The following ZBTB44 variants were observed in gnomAD, a reference collection of about 807,000 sequenced individuals.
ZBTB44 encodes zinc finger and BTB domain containing 44.
A neutral mutation model predicts 54.0 loss-of-function variants in ZBTB44; 15 were observed. The observed-to-expected ratio is 0.28, with a 90% CI of 0.19 to 0.43. The LOEUF (loss-of-function observed/expected upper bound fraction) is 0.43. Among genes scored for constraint, ZBTB44 ranks in the 20% least tolerant of loss-of-function variants. The pLI, the probability that ZBTB44 is intolerant of heterozygous loss-of-function variation, is 1.00. For missense variants in ZBTB44, 487 were observed against 707.1 expected (o/e 0.69, Z 3.53); for synonymous variants, 230 against 250.1 (o/e 0.92, Z 0.76).
chr11:130,283,237 G>A (rs1332120085), intron 1 of ZBTB44, among the ~76,000 whole-genome samples: 2 of 151,598 alleles, frequency 1.3e-5, no homozygotes, highest in Admixed American at 6.6e-5. Flanking sequence ...GTAGAGAGGC[G>A]GTTTTGCCAT....
chr11:130,295,569 G>C, intron 1 of ZBTB44: 1 of 700,436 alleles, frequency 1.4e-6, no homozygotes. Flanking sequence ...GGACTCACAG[G>C]AGCATTTGAG....
At chr11:130,295,974 A>AG in intron 1 of ZBTB44, 1 of 1,544,050 alleles carries the variant, frequency 6.5e-7, no homozygotes, top group Admixed American at 1.7e-5. Flanking sequence ...TGGCCACACC[A>AG]GGCCGTCTGC....
intron 2 of ZBTB44, among the ~76,000 whole-genome samples, chr11:130,247,569 G>A (rs1335726178): frequency 6.6e-6 from 1 of 152,130 alleles, no homozygotes; most frequent in Non-Finnish European, 1.5e-5. Flanking sequence ...CTGTGTTAAC[G>A]GCCTACAAGA....
intron 1 of ZBTB44, among the ~76,000 whole-genome samples, chr11:130,269,297 A>ATTAG (rs1939501006): frequency 6.6e-6 from 1 of 151,704 alleles, no homozygotes; most frequent in South Asian, 2.1e-4. Context: ...TAAATAATTA[A>ATTAG]TTAATTAATC....
intron 2 of ZBTB44, among the ~76,000 whole-genome samples, chr11:130,242,664 T>A (rs1954428411): frequency 6.6e-6 from 1 of 152,240 alleles, no homozygotes; most frequent in Admixed American, 6.5e-5. Flanking sequence ...ACTGAGGATA[T>A]CATCCCACTG....
At chr11:130,281,424 G>C (rs1310778764) in intron 1 of ZBTB44, among the ~76,000 whole-genome samples, 3 of 151,996 alleles carry the variant, frequency 2.0e-5, no homozygotes, top group Admixed American at 6.6e-5. Flanking sequence ...GAAAGCTAAG[G>C]TGGGAGGATG....
At chr11:130,297,632 G>C (rs1286036153) in intron 1 of ZBTB44, among the ~76,000 whole-genome samples, 1 of 152,184 alleles carries the variant, frequency 6.6e-6, no homozygotes, top group Non-Finnish European at 1.5e-5. Context: ...CATGCACATA[G>C]GGAGGATGCC....
chr11:130,265,970 G>A (rs886415779), intron 1 of ZBTB44, among the ~76,000 whole-genome samples: 11 of 152,224 alleles, frequency 7.2e-5, no homozygotes, highest in African/African-American at 2.7e-4. Context: ...GACGAAGGTG[G>A]CTACACTAAA....
rs1196284000 is a variant in ZBTB44, at chr11:130,228,891, A to C, written c.*2873T>G. 6.6e-6 allele frequency: 1 copy of C among 152,240 alleles called. No homozygotes were observed. Among genetic ancestry groups the C allele is most frequent in the African/African-American group, 2.4e-5 (1 of 41,458 alleles). 9.4% of individuals were successfully genotyped at this position (152,240 alleles called of 1,614,324 possible). On this transcript the variant is annotated 3_prime_UTR_variant, in exon 8 of 8. Coordinates refer to ENST00000357899, the MANE Select transcript of ZBTB44 (RefSeq NM_001301098.2). ...GCAACATCAGTCAATTTAAACGAGA[A>C]AGGAACTAATAAAAGAATTTGACTT...
intron 3 of ZBTB44, chr11:130,239,534 G>A (rs751103949): frequency 9.2e-5 from 25 of 272,640 alleles, no homozygotes; most frequent in Non-Finnish European, 1.6e-4. Context: ...ACAAATAAAG[G>A]TGGTAGGCTG....
intron 1 of ZBTB44, chr11:130,295,796 A>G: frequency 7.0e-7 from 1 of 1,423,394 alleles, no homozygotes; most frequent in Non-Finnish European, 9.9e-7. Flanking sequence ...ATGCCCAGGA[A>G]TGCATGCGGA....
Position 130,308,993 on chromosome 11 carries a change from C to A in ZBTB44, c.-57+5382G>T, listed in dbSNP as rs147071598. On this transcript the variant is annotated intron_variant, in intron 1 of 7. Transcript: ENST00000357899. ...TGGTCCAAGACACACAGCCCTCTTG[C>A]ACAAATAACTCACAAGCTTTCTGCA... is the stretch of plus-strand genomic sequence containing the variant. Among the ~76,000 whole-genome samples, 11 of 152,316 alleles carry A rather than the reference C, an allele frequency of 7.2e-5. No homozygotes were observed. In the East Asian group the frequency reaches 1.4e-3, roughly 19 times the overall value.
intron 2 of ZBTB44, among the ~76,000 whole-genome samples, chr11:130,243,010 A>G (rs1954453268): frequency 6.6e-6 from 1 of 152,246 alleles, no homozygotes; most frequent in Non-Finnish European, 1.5e-5. Flanking sequence ...ATGTGCTGCC[A>G]AAATGTTCAC....
intron 2 of ZBTB44, among the ~76,000 whole-genome samples, chr11:130,254,628 G>T (rs1439392475): frequency 6.6e-6 from 1 of 152,168 alleles, no homozygotes; most frequent in Non-Finnish European, 1.5e-5. Context: ...CTGTTGGTGG[G>T]ACTGTAAACT....
chr11:130,270,694 T>G (rs1432052856), intron 1 of ZBTB44, among the ~76,000 whole-genome samples: 1 of 152,190 alleles, frequency 6.6e-6, no homozygotes, highest in Non-Finnish European at 1.5e-5. Flanking sequence ...CTAGGCATGA[T>G]TTTGTACTAA....
At chr11:130,300,614 T>C (rs956342643) in intron 1 of ZBTB44, among the ~76,000 whole-genome samples, 2 of 152,052 alleles carry the variant, frequency 1.3e-5, no homozygotes, top group African/African-American at 2.4e-5. Flanking sequence ...ACCAGCATAG[T>C]AGGAGTTACT....
intron 1 of ZBTB44, among the ~76,000 whole-genome samples, chr11:130,306,847 C>T (rs189282165): frequency 2.0e-5 from 3 of 151,910 alleles, no homozygotes; most frequent in Non-Finnish European, 2.9e-5. Flanking sequence ...GCTACAAGGA[C>T]GCAAAAGCAT....
chr11:130,291,821 T>G (rs1469467960), intron 1 of ZBTB44, among the ~76,000 whole-genome samples: 2 of 152,212 alleles, frequency 1.3e-5, no homozygotes, highest in African/African-American at 4.8e-5. Flanking sequence ...CTGATATAAT[T>G]CATGTACAAT....
chr11:130,248,937 C>T (rs2136341811), intron 2 of ZBTB44, among the ~76,000 whole-genome samples: 1 of 152,110 alleles, frequency 6.6e-6, no homozygotes, highest in East Asian at 1.9e-4. Flanking sequence ...AACTCCATCT[C>T]TACTAAAAAT....
Sources: gnomAD v4.1 joint callset for allele counts (sites outside exome capture counted in the v4.1 genomes callset) on GRCh38, gnomAD v4.1.1 for gene constraint, MANE v1.5 for transcripts, NCBI Gene and HGNC (gene_info 2026-07-23, HGNC 2026-07-21) for gene names.